The following ABCD3 variants were observed in gnomAD, a reference collection of about 807,000 sequenced individuals.
The protein encoded by ABCD3 is ATP-binding cassette sub-family D member 3.
Under a neutral mutation model 105.5 loss-of-function variants are expected in ABCD3, and 41 were observed. That is an observed-to-expected ratio of 0.39 (90% CI 0.30 to 0.50). The LOEUF (loss-of-function observed/expected upper bound fraction) is 0.50. Ranked by LOEUF, ABCD3 falls within the 20% of genes least tolerant of loss-of-function variation. The pLI is 0.84. For synonymous variants in ABCD3, 258 were observed against 269.0 expected, an observed-to-expected ratio of 0.96 and a Z score of 0.40; for missense variants, 622 against 806.3, an observed-to-expected ratio of 0.77 and a Z score of 2.77.
intron 1 of ABCD3, among the ~76,000 whole-genome samples, chr1:94,457,591 C>T (rs1050362699): frequency 2.6e-5 from 4 of 152,082 alleles, no homozygotes; most frequent in African/African-American, 7.2e-5. Context: ...ACCTTAGAGT[C>T]TGGCTCAGCT....
intron 1 of ABCD3, among the ~76,000 whole-genome samples, chr1:94,450,577 G>A (rs186570139): frequency 3.9e-5 from 6 of 152,216 alleles, no homozygotes; most frequent in African/African-American, 1.4e-4. Context: ...TTTATTTCCC[G>A]TAAGAAATGC....
chr1:94,475,175 G>T lies in ABCD3; in HGVS notation c.438G>T (p.Gly146=), dbSNP rs148319104. The T allele has an allele frequency of 4.1e-5, 65 of 1,604,874 alleles. No individual in the cohort carries two copies. Among genetic ancestry groups the T allele is most frequent in the Non-Finnish European group, 5.4e-5 (64 of 1,174,792 alleles). ...ISLVNNFLKY[G]LNELKLCFRV... ...TGGTTAATAACTTCTTGAAGTATGG[G>T]TTAAATGAGCTTAAACTGTGCTTCC... The change falls in exon 6 of 23, where the codon GGG becomes GGT. Residue 146 remains glycine (G), a synonymous_variant. Coordinates refer to ENST00000370214, the MANE Select transcript of ABCD3 (RefSeq NM_002858.4).
intron 1 of ABCD3, among the ~76,000 whole-genome samples, chr1:94,429,510 C>G (rs1270706930): frequency 6.6e-6 from 1 of 152,184 alleles, no homozygotes; most frequent in Admixed American, 6.5e-5. Flanking sequence ...GTCCCAGGGT[C>G]CCTTTGCTGT....
At chr1:94,441,569 A>G (rs1192286183) in intron 1 of ABCD3, among the ~76,000 whole-genome samples, 1 of 152,174 alleles carries the variant, frequency 6.6e-6, no homozygotes, top group African/African-American at 2.4e-5. Flanking sequence ...TGTTATTACA[A>G]ACTATTGGAG....
chr1:94,491,215 G>A lies in ABCD3; in HGVS notation c.1354G>A (p.Gly452Arg). Residue 452 changes from glycine (G) to arginine (R), a missense_variant, in exon 16 of 23, where the codon GGA becomes AGA. By Grantham distance (125) the Gly-to-Arg change is moderately radical (BLOSUM62 -2). Transcript: ENST00000370214. The part of the protein sequence containing the change: ...FDHVPLATPN[G>R]DVLIRDLNFE... ...TCATGTTCCTTTAGCAACGCCAAATGGAGATGTTTTGATCCGAGACCTTAA... is the reference window on the plus strand; with the variant it reads ...TCATGTTCCTTTAGCAACGCCAAATAGAGATGTTTTGATCCGAGACCTTAA... 5.0e-6 allele frequency: 8 copies of A among 1,612,252 alleles called. No homozygotes were observed. Among genetic ancestry groups the A allele is most frequent in the Non-Finnish European group, 6.8e-6 (8 of 1,178,782 alleles).
chr1:94,508,223 T>A (rs1650464671), intron 21 of ABCD3, among the ~76,000 whole-genome samples: 1 of 152,218 alleles, frequency 6.6e-6, no homozygotes, highest in Non-Finnish European at 1.5e-5. Context: ...TAGCCAGTTT[T>A]CCCAGCACCA....
chr1:94,443,816 G>A (rs1660226280), intron 1 of ABCD3, among the ~76,000 whole-genome samples: 1 of 152,160 alleles, frequency 6.6e-6, no homozygotes, highest in Non-Finnish European at 1.5e-5. Flanking sequence ...TCAGGGTTCT[G>A]TATTGTGTTT....
At chr1:94,444,443 G>A (rs989529503) in intron 1 of ABCD3, among the ~76,000 whole-genome samples, 2 of 151,936 alleles carry the variant, frequency 1.3e-5, no homozygotes, top group Non-Finnish European at 2.9e-5. Flanking sequence ...GTGATTACAG[G>A]TGTGAGCCAC....
chr1:94,392,560 T>C, the ABCD3 span, among the ~76,000 whole-genome samples: 1 of 152,214 alleles, frequency 6.6e-6, no homozygotes, highest in African/African-American at 2.4e-5. Flanking sequence ...ATACGGGTGA[T>C]CTGATGTTGA....
chr1:94,407,397 G>A, the ABCD3 span, among the ~76,000 whole-genome samples: 4,334 of 152,186 alleles, frequency 0.028, 97 homozygotes, highest in South Asian at 0.11. Flanking sequence ...TGATCCGCCC[G>A]CCTCGACCTC....
chr1:94,491,689 A>G (rs1043313831), intron 16 of ABCD3, among the ~76,000 whole-genome samples: 1 of 152,124 alleles, frequency 6.6e-6, no homozygotes. Flanking sequence ...CAGTAGCGCT[A>G]CAAATAGACA....
chr1:94,393,037 A>G, the ABCD3 span, among the ~76,000 whole-genome samples: 1 of 150,534 alleles, frequency 6.6e-6, no homozygotes, highest in Non-Finnish European at 1.5e-5. Flanking sequence ...ACTTGAACCC[A>G]GGAGGCAGAG....
At chr1:94,430,728 C>G (rs1659640723) in intron 1 of ABCD3, among the ~76,000 whole-genome samples, 1 of 152,138 alleles carries the variant, frequency 6.6e-6, no homozygotes, top group African/African-American at 2.4e-5. Flanking sequence ...AGTGTGAAAA[C>G]AGACTAACAT....
intron 1 of ABCD3, among the ~76,000 whole-genome samples, chr1:94,452,467 G>T (rs1210494992): frequency 1.3e-5 from 2 of 152,216 alleles, no homozygotes; most frequent in African/African-American, 2.4e-5. Flanking sequence ...GTGCCTCGTG[G>T]CAGGAGATGA....
chr1:94,479,868 G>A (rs1389871836), intron 8 of ABCD3, among the ~76,000 whole-genome samples: 3 of 152,034 alleles, frequency 2.0e-5, no homozygotes, highest in Non-Finnish European at 2.9e-5. Context: ...TGGGTGATGA[G>A]GTCACGTACA....
intron 8 of ABCD3, 87 bp downstream of exon 8, chr1:94,478,402 T>A: frequency 8.4e-7 from 1 of 1,189,688 alleles, no homozygotes; most frequent in Non-Finnish European, 1.2e-6. Context: ...CCTGTAAGAA[T>A]TTTTGTAGAT....
Position 94,458,618 on chromosome 1 carries a change from GA to G in ABCD3, c.126del (p.Lys42AsnfsTer30). ...RALGLHGKKS[G>X]KPPLQNNEKE... is the part of the protein sequence containing the mutation. ...TTTTTCCTCTGCAGTAAGAAAAGTG[GA>G]AAACCACCATTACAGAACAATGAGG... On this transcript the variant is annotated frameshift_variant, in exon 2 of 23. Coordinates refer to ENST00000370214, the MANE Select transcript of ABCD3 (RefSeq NM_002858.4). LOFTEE classifies it high-confidence loss of function. The G allele has an allele frequency of 6.2e-7, 1 of 1,612,724 alleles. No homozygotes were observed. Among genetic ancestry groups the G allele is most frequent in the Non-Finnish European group, 8.5e-7 (1 of 1,179,066 alleles).
At chr1:94,395,855 CAA>C in the ABCD3 span, among the ~76,000 whole-genome samples, 1 of 150,734 alleles carries the variant, frequency 6.6e-6, no homozygotes, top group Non-Finnish European at 1.5e-5. Flanking sequence ...GAGAGAGAGA[CAA>C]AGAGACACAC....
chr1:94,480,369 T>G (rs901182221), intron 8 of ABCD3, 95 bp from the exon 9 acceptor site: 1 of 1,498,702 alleles, frequency 6.7e-7, no homozygotes, highest in East Asian at 2.3e-5. Flanking sequence ...TTTCAGTCAT[T>G]GAGGTTAATT....
Sources: allele counts gnomAD v4.1 joint callset (sites outside exome capture counted in the v4.1 genomes callset), GRCh38; gene constraint gnomAD v4.1.1; transcripts MANE v1.5; gene names NCBI Gene and HGNC (gene_info 2026-07-23, HGNC 2026-07-21).